The following VPS13C variants were observed in gnomAD, a reference collection of about 807,000 sequenced individuals.
VPS13C encodes vacuolar protein sorting 13 homolog C, also known as intermembrane lipid transfer protein VPS13C.
In VPS13C, 358 loss-of-function variants were observed where a neutral mutation model predicts 456.8. The ratio of observed to expected loss-of-function variants is 0.78; its 90% confidence interval spans 0.72 to 0.86. The LOEUF (loss-of-function observed/expected upper bound fraction) is 0.86. Among genes scored for constraint, VPS13C ranks in the 40% least tolerant of loss-of-function variants. The pLI is 0.00. For missense variants in VPS13C, 4,818 were observed against 4,385.4 expected, an observed-to-expected ratio of 1.10 and a Z score of -2.79; for synonymous variants, 1,578 against 1,486.7, an observed-to-expected ratio of 1.06 and a Z score of -1.41.
chr15:62,035,943 G>A (rs1288725397), intron 3 of VPS13C, among the ~76,000 whole-genome samples: 1 of 151,982 alleles, frequency 6.6e-6, no homozygotes, highest in East Asian at 1.9e-4. Flanking sequence ...CATGCTCTCA[G>A]CTAAATTTTG....
Position 61,941,971 on chromosome 15 carries a change from G to A in VPS13C, c.5245C>T (p.Gln1749Ter). Residue 1749 changes from glutamine (Q) to a stop codon, truncating the protein, a stop_gained, in exon 46 of 85, where the codon CAA becomes TAA. Transcript: ENST00000644861. LOFTEE classifies it high-confidence loss of function. Reference sequence around the variant, plus strand: ...TCCATCAAAAGGCGGAAACTCTTTTGAGCCAAGTCTTTCATGCTGGAAGCA... The same window carrying A: ...TCCATCAAAAGGCGGAAACTCTTTTAAGCCAAGTCTTTCATGCTGGAAGCA... ...RAASSMKDLA[Q>*]KSFRLLMDIN... 6.2e-7 allele frequency: 1 copy of A among 1,613,978 alleles called. No homozygotes were observed. Among genetic ancestry groups the A allele is most frequent in the Non-Finnish European group, 8.5e-7 (1 of 1,179,932 alleles).
chr15:61,985,358 G>C (rs1334268587), intron 18 of VPS13C, among the ~76,000 whole-genome samples: 1 of 152,174 alleles, frequency 6.6e-6, no homozygotes, highest in East Asian at 1.9e-4. Flanking sequence ...CTGGGTTCAA[G>C]CGACTCTCCT....
At chr15:61,975,045 T>C (rs1044042279) in intron 24 of VPS13C, among the ~76,000 whole-genome samples, 1 of 152,120 alleles carries the variant, frequency 6.6e-6, no homozygotes, top group Non-Finnish European at 1.5e-5. Context: ...TGTTGTTGTT[T>C]ATCTTTGGCT....
chr15:61,984,493 G>T (rs1178172837), intron 19 of VPS13C, among the ~76,000 whole-genome samples: 2 of 152,128 alleles, frequency 1.3e-5, no homozygotes, highest in Non-Finnish European at 2.9e-5. Context: ...TTACCTTAGA[G>T]CTGTCTAATG....
At chr15:61,890,754 G>T (rs541312348) in intron 66 of VPS13C, among the ~76,000 whole-genome samples, 54 of 152,242 alleles carry the variant, frequency 3.5e-4, no homozygotes, top group African/African-American at 1.2e-3. Flanking sequence ...GTTTATTAGA[G>T]ATGTAACCTT....
intron 9 of VPS13C, 132 bp downstream of exon 9, chr15:62,020,347 G>C: frequency 3.1e-6 from 2 of 637,594 alleles, no homozygotes; most frequent in Non-Finnish European, 4.7e-6. Flanking sequence ...TTCTAGAAAA[G>C]TTGTTTAGCA....
chr15:61,888,677 A>G (rs186355824), intron 67 of VPS13C, among the ~76,000 whole-genome samples: 1 of 152,294 alleles, frequency 6.6e-6, no homozygotes, highest in East Asian at 1.9e-4. Context: ...TAAAAAGAAC[A>G]GCGGTTTCCA....
At chr15:61,960,862 T>C (rs2045173021) in intron 35 of VPS13C, among the ~76,000 whole-genome samples, 1 of 152,020 alleles carries the variant, frequency 6.6e-6, no homozygotes, top group Non-Finnish European at 1.5e-5. Context: ...GAACACCTGA[T>C]ATCAGGAGTT....
rs757119917 is a variant in VPS13C at position 61,936,699 on chromosome 15, T to G, written c.5653A>C (p.Asn1885His). The change falls in exon 48 of 85, where the codon AAT becomes CAT. Residue 1885 changes from asparagine to histidine, a missense_variant. By Grantham distance (68) the Asn-to-His change is moderately conservative. Around this residue, in one of 3 missense-constraint regions of VPS13C, gnomAD observed 4,552 missense variants for 4,130.6 expected, o/e 1.10. Coordinates refer to ENST00000644861, the MANE Select transcript of VPS13C (RefSeq NM_020821.3). The stretch of plus-strand genomic sequence containing the variant: ...GGTTGTGAGGAAGCTTCTCCAAGAT[T>G]TTCTAGCAAAATTTTCATTAAAACT... ...LTVLMKILLE[N>H]LGEASSQPSP... is the part of the protein sequence containing the mutation. 6.2e-7 allele frequency: 1 copy of G among 1,613,530 alleles called. No homozygotes were observed. Among genetic ancestry groups the G allele is most frequent in the Non-Finnish European group, 8.5e-7 (1 of 1,179,760 alleles).
chr15:61,912,362 T>C (rs2043326859), intron 62 of VPS13C, among the ~76,000 whole-genome samples: 1 of 152,222 alleles, frequency 6.6e-6, no homozygotes, highest in South Asian at 2.1e-4. Flanking sequence ...TTTGAAGTAG[T>C]AATAAAATAG....
chr15:61,940,721 G>A lies in VPS13C; in HGVS notation c.5527C>T (p.Gln1843Ter). The A allele has an allele frequency of 6.2e-7, 1 of 1,613,886 alleles. No individual in the cohort carries two copies. The highest frequency in any genetic ancestry group is 8.5e-7 in the Non-Finnish European group (1 of 1,179,914). The stretch of plus-strand genomic sequence containing the variant: ...TACCATGCTGCTGCTAAGTTTCGCT[G>A]TATGGACAAAAGCATGTTGACTGGT... ...LKPVNMLLSI[Q>*]RNLAAAWYVQ... Residue 1843 changes from glutamine to a stop codon, truncating the protein, a stop_gained, in exon 47 of 85, where the codon CAG becomes TAG. Transcript: ENST00000644861. LOFTEE classifies it high-confidence loss of function.
chr15:61,866,319 G>C, intron 81 of VPS13C: 2 of 983,328 alleles, frequency 2.0e-6, no homozygotes, highest in Non-Finnish European at 2.4e-6. Flanking sequence ...AATCAGACAA[G>C]ATTATATGTT....
intron 79 of VPS13C, among the ~76,000 whole-genome samples, chr15:61,871,672 A>G (rs1895043624): frequency 6.6e-6 from 1 of 152,098 alleles, no homozygotes; most frequent in South Asian, 2.1e-4. Flanking sequence ...TAAGGGTTGC[A>G]CTGAATAAGC....
rs1440584850 is a variant in VPS13C, at chr15:61,867,577, A to G, written c.10863+1082T>C. On this transcript the variant is annotated intron_variant, in intron 81 of 84. Coordinates refer to ENST00000644861, the MANE Select transcript of VPS13C (RefSeq NM_020821.3). This position sits in a 1 kb window ranked among gnomAD's most constrained non-coding sequence, Gnocchi z 5.0. ...GACATAATAATTGTCCTGTTTTTCA[A>G]TTTTACCTGAAATGCACATGAACAC... is the stretch of plus-strand genomic sequence containing the variant. 8 of 1,026,692 alleles carry G rather than the reference A, an allele frequency of 7.8e-6. No individual in the cohort carries two copies. Among genetic ancestry groups the G allele is most frequent in the African/African-American group, 1.7e-5 (1 of 58,308 alleles). The allele number at this position is 1,026,692 out of a possible 1,614,324, so 63.6% of individuals were successfully genotyped here. A position where few individuals can be genotyped will look rare whatever the true frequency, so the allele number is the denominator to read the frequency against.
At chr15:62,034,693 T>A (rs548906649) in intron 4 of VPS13C, among the ~76,000 whole-genome samples, 1 of 151,998 alleles carries the variant, frequency 6.6e-6, no homozygotes, top group East Asian at 1.9e-4. Context: ...CAGGAAGCCT[T>A]AGTTGCAAAA....
At chr15:62,058,427 T>C (rs2140823986) in intron 1 of VPS13C, among the ~76,000 whole-genome samples, 1 of 152,074 alleles carries the variant, frequency 6.6e-6, no homozygotes, top group Admixed American at 6.6e-5. Flanking sequence ...ATTCACGGAC[T>C]GAACTAACTG....
chr15:62,037,457 A>T (rs1281932834), intron 3 of VPS13C, among the ~76,000 whole-genome samples: 59 of 49,484 alleles, frequency 1.2e-3, no homozygotes, highest in Non-Finnish European at 1.8e-3. Flanking sequence ...TAAATATATA[A>T]ATATAATATA....
intron 12 of VPS13C, among the ~76,000 whole-genome samples, chr15:62,011,795 AG>A (rs1377930653): frequency 1.3e-5 from 2 of 151,918 alleles, no homozygotes; most frequent in Non-Finnish European, 2.9e-5. Context: ...TTTTGAAAAA[AG>A]AAAGAAAATC....
intron 24 of VPS13C, among the ~76,000 whole-genome samples, chr15:61,976,458 G>C (rs2045705733): frequency 6.6e-6 from 1 of 151,950 alleles, no homozygotes; most frequent in South Asian, 2.1e-4. Flanking sequence ...TCAGAAAGCA[G>C]ACCAATGTTG....
Sources: gnomAD v4.1 joint callset for allele counts (sites outside exome capture counted in the v4.1 genomes callset) on GRCh38, gnomAD v4.1.1 for gene constraint, gnomAD v4.1.1 regional missense constraint, Gnocchi (gnomAD v3.1) non-coding constraint, MANE v1.5 for transcripts, NCBI Gene and HGNC (gene_info 2026-07-23, HGNC 2026-07-21) for gene names.